KCNMB2: variants seen among roughly 807,000 people sequenced by gnomAD.
The protein encoded by KCNMB2 is calcium-activated potassium channel subunit beta-2.
Under a neutral mutation model 24.5 loss-of-function variants are expected in KCNMB2, and 9 were observed. The ratio of observed to expected loss-of-function variants is 0.37; its 90% CI spans 0.22 to 0.64. KCNMB2 has a LOEUF of 0.64. KCNMB2 is among the 30% of genes least tolerant of loss of function. The pLI is 0.63. For missense variants in KCNMB2, 226 were observed against 284.3 expected, an observed-to-expected ratio of 0.79 and a Z score of 1.47; for synonymous variants, 109 against 104.4, an observed-to-expected ratio of 1.04 and a Z score of -0.27.
In KCNMB2 at chr3:178,665,606, G is replaced by C. The variant is rs545217880; in HGVS notation, c.-68+128895G>C. 7.2e-5 allele frequency among the ~76,000 whole-genome samples: 11 copies of C among 152,146 alleles called. No individual in the cohort carries two copies. In the South Asian group the frequency reaches 2.3e-3, roughly 32 times the overall value. ...CTTTAGTTGTTTTCAATGACTTTGA[G>C]ATTAGGCATAACAAATATTGGTATT... On this transcript the variant is annotated intron_variant, in intron 1 of 4. Coordinates refer to ENST00000452583, the MANE Select transcript of KCNMB2 (RefSeq NM_181361.3).
intron 1 of KCNMB2, among the ~76,000 whole-genome samples, chr3:178,726,204 A>G (rs1005190705): frequency 3.3e-5 from 5 of 151,958 alleles, no homozygotes; most frequent in African/African-American, 1.2e-4. Flanking sequence ...TCACCACCAA[A>G]TAGGTTCCTT....
At chr3:178,835,950 G>A (rs1365560125) in intron 4 of KCNMB2, among the ~76,000 whole-genome samples, 1 of 151,940 alleles carries the variant, frequency 6.6e-6, no homozygotes, top group Non-Finnish European at 1.5e-5. Flanking sequence ...TGGTATATTG[G>A]AGCCAACAAA....
At chr3:178,714,904 A>G (rs1428105646) in intron 1 of KCNMB2, among the ~76,000 whole-genome samples, 2 of 152,202 alleles carry the variant, frequency 1.3e-5, no homozygotes, top group Non-Finnish European at 2.9e-5. Flanking sequence ...TTCTGTTTAG[A>G]AAAAACAGCT....
chr3:178,694,338 G>A (rs943204691), intron 1 of KCNMB2, among the ~76,000 whole-genome samples: 7 of 152,186 alleles, frequency 4.6e-5, no homozygotes, highest in Admixed American at 1.3e-4. Context: ...TTTGGGTGGA[G>A]ACACAGTCAA....
intron 1 of KCNMB2, chr3:178,748,561 T>G (rs971312460): frequency 1.3e-5 from 2 of 152,226 alleles, no homozygotes; most frequent in Non-Finnish European, 2.9e-5. Context: ...ATACAATCCT[T>G]TTTCCCACCC....
At chr3:178,567,243 G>A (rs1399537352) in intron 1 of KCNMB2, among the ~76,000 whole-genome samples, 1 of 152,188 alleles carries the variant, frequency 6.6e-6, no homozygotes, top group Non-Finnish European at 1.5e-5. Flanking sequence ...GAGAGTGTGT[G>A]TGTGTGTCTA....
At chr3:178,723,250 T>C (rs1311326586) in intron 1 of KCNMB2, among the ~76,000 whole-genome samples, 2 of 152,248 alleles carry the variant, frequency 1.3e-5, no homozygotes, top group Non-Finnish European at 2.9e-5. Flanking sequence ...TGTGATATCT[T>C]TAAAATATCC....
rs992758866 is a variant in KCNMB2, at chr3:178,598,248, G to A, written c.-68+61537G>A. 2.6e-5 allele frequency among the ~76,000 whole-genome samples: 4 copies of A among 152,024 alleles called. No individual in the cohort carries two copies. The East Asian group carries it at 7.7e-4, about 29-fold the overall frequency. ...GTGGGATGAGCTTGGGATTTGTAGA[G>A]AACTCCAGGTTTGAATCCAGTCAAG... On this transcript the variant is annotated intron_variant, in intron 1 of 4. Coordinates refer to ENST00000452583, the MANE Select transcript of KCNMB2 (RefSeq NM_181361.3).
chr3:178,602,481 G>T (rs1358677272), intron 1 of KCNMB2, among the ~76,000 whole-genome samples: 1 of 151,928 alleles, frequency 6.6e-6, no homozygotes, highest in Non-Finnish European at 1.5e-5. Context: ...TACAATAAAG[G>T]GGGTCAATAA....
At chr3:178,666,007 C>T (rs984547316) in intron 1 of KCNMB2, among the ~76,000 whole-genome samples, 1 of 152,152 alleles carries the variant, frequency 6.6e-6, no homozygotes, top group African/African-American at 2.4e-5. Context: ...TTACTGGTCA[C>T]ATGAGGCAAC....
At chr3:178,645,973 GAGGGCAC>G (rs1198103605) in intron 1 of KCNMB2, among the ~76,000 whole-genome samples, 1 of 152,168 alleles carries the variant, frequency 6.6e-6, no homozygotes, top group African/African-American at 2.4e-5. Context: ...ATCACATAAT[GAGGGCAC>G]ATATTTTTTT....
At chr3:178,614,562 C>A (rs1454227751) in intron 1 of KCNMB2, among the ~76,000 whole-genome samples, 1 of 151,846 alleles carries the variant, frequency 6.6e-6, no homozygotes, top group Non-Finnish European at 1.5e-5. Context: ...ATTCAATTAT[C>A]TCTCACCAGG....
At chr3:178,592,073 G>A (rs1010199200) in intron 1 of KCNMB2, among the ~76,000 whole-genome samples, 4 of 151,978 alleles carry the variant, frequency 2.6e-5, no homozygotes, top group African/African-American at 9.7e-5. Flanking sequence ...TCTATGGGAG[G>A]GCAAAAGAGT....
chr3:178,642,347 T>A (rs191617577), intron 1 of KCNMB2, among the ~76,000 whole-genome samples: 1 of 152,266 alleles, frequency 6.6e-6, no homozygotes, highest in African/African-American at 2.4e-5. Context: ...GGCTTATGAA[T>A]TAAGTAGTTG....
intron 1 of KCNMB2, among the ~76,000 whole-genome samples, chr3:178,552,512 A>G (rs1187817296): frequency 6.6e-6 from 1 of 152,156 alleles, no homozygotes; most frequent in Admixed American, 6.5e-5. Context: ...TATCAATGGT[A>G]CTATAAGCTT....
chr3:178,580,140 C>T lies in KCNMB2; in HGVS notation c.-68+43429C>T, dbSNP rs528048169. 5.9e-5 allele frequency among the ~76,000 whole-genome samples: 9 copies of T among 152,216 alleles called. No homozygotes were observed. The East Asian group carries it at 7.7e-4, about 13-fold the overall frequency. On this transcript the variant is annotated intron_variant, in intron 1 of 4. Coordinates refer to ENST00000452583, the MANE Select transcript of KCNMB2 (RefSeq NM_181361.3). ...AATCCTCAGTAAAATACTGGCAAAC[C>T]GAATCCATCAGCACATCAAAAAGCT...
At chr3:178,757,289 A>C in intron 1 of KCNMB2, among the ~76,000 whole-genome samples, 1 of 111,566 alleles carries the variant, frequency 9.0e-6, no homozygotes, top group South Asian at 2.8e-4. Context: ...TATATCCAAG[A>C]GGATATATAT....
intron 1 of KCNMB2, among the ~76,000 whole-genome samples, chr3:178,585,537 G>A (rs1338072104): frequency 6.6e-6 from 1 of 152,182 alleles, no homozygotes; most frequent in African/African-American, 2.4e-5. Flanking sequence ...TTGGGAAGGG[G>A]AGAGAGACAG....
chr3:178,578,826 A>G (rs1717091349), intron 1 of KCNMB2, among the ~76,000 whole-genome samples: 1 of 152,242 alleles, frequency 6.6e-6, no homozygotes, highest in Admixed American at 6.5e-5. Context: ...AGAGCTAACT[A>G]TCCTAAATAT....
Sources: gnomAD v4.1 joint callset for allele counts (sites outside exome capture counted in the v4.1 genomes callset) on GRCh38, gnomAD v4.1.1 for gene constraint, MANE v1.5 for transcripts, NCBI Gene and HGNC (gene_info 2026-07-23, HGNC 2026-07-21) for gene names.